SLC39A11: variants seen among roughly 807,000 people sequenced by gnomAD.
The protein encoded by SLC39A11 is solute carrier family 39 member 11.
A neutral mutation model predicts 36.1 loss-of-function variants in SLC39A11; 33 were observed. The ratio of observed to expected loss-of-function variants is 0.91; its 90% confidence interval spans 0.69 to 1.22. The LOEUF is 1.22. Among genes scored for constraint, SLC39A11 ranks in the 50% most tolerant of loss-of-function variants. The probability of loss-of-function intolerance (pLI) is 0.00; values close to 1 mark genes in which losing one functional copy is unlikely to be tolerated. For missense variants in SLC39A11, 432 were observed against 430.3 expected (o/e 1.00, Z -0.03); for synonymous variants, 166 against 170.3 (o/e 0.97, Z 0.20).
intron 7 of SLC39A11, among the ~76,000 whole-genome samples, chr17:72,723,739 C>A (rs1286998147): frequency 6.6e-6 from 1 of 152,136 alleles, no homozygotes; most frequent in Admixed American, 6.5e-5. Context: ...CAAGATGGAA[C>A]CTTGTGGGCA....
At chr17:73,052,178 GA>G (rs11455533) in intron 3 of SLC39A11, among the ~76,000 whole-genome samples, 1 of 148,506 alleles carries the variant, frequency 6.7e-6, no homozygotes, top group East Asian at 2.0e-4. Flanking sequence ...ATCAACCCCA[GA>G]AAAAAAAAAG....
intron 6 of SLC39A11, among the ~76,000 whole-genome samples, chr17:72,766,772 T>C (rs778214668): frequency 2.6e-5 from 4 of 152,220 alleles, no homozygotes; most frequent in Non-Finnish European, 5.9e-5. Context: ...ACAAGCACTG[T>C]CATTTTTTAA....
chr17:72,872,399 C>G (rs910555263), intron 5 of SLC39A11, among the ~76,000 whole-genome samples: 2 of 152,204 alleles, frequency 1.3e-5, no homozygotes, highest in African/African-American at 4.8e-5. Context: ...TCAGATTCGA[C>G]AGACGGGTAC....
At chr17:72,949,033 G>A (rs2085643488) in intron 4 of SLC39A11, among the ~76,000 whole-genome samples, 1 of 151,614 alleles carries the variant, frequency 6.6e-6, no homozygotes, top group Non-Finnish European at 1.5e-5. Context: ...CAAAGCTAAG[G>A]GAAGGGAGGC....
Position 72,861,688 on chromosome 17 carries a change from T to TATA in SLC39A11, c.431-11885_431-11884insTAT, listed in dbSNP as rs1169877556. Among the ~76,000 whole-genome samples the TATA allele has an allele frequency of 4.2e-4, 37 of 88,780 alleles. 1 individual carries two copies. Among genetic ancestry groups the TATA allele is most frequent in the African/African-American group, 1.5e-3 (34 of 22,592 alleles). 58.2% of individuals were successfully genotyped at this position (88,780 alleles called of 152,430 possible). The stretch of plus-strand genomic sequence containing the variant: ...ATATATATATATATATATATATATA[T>TATA]AAAATATATATATTGGATATATATA... On this transcript the variant is annotated intron_variant, in intron 5 of 9. Transcript: ENST00000255559.
chr17:72,699,218 G>C (rs1284759208), intron 7 of SLC39A11, among the ~76,000 whole-genome samples: 4 of 152,174 alleles, frequency 2.6e-5, no homozygotes, highest in African/African-American at 9.6e-5. Flanking sequence ...GGAAGAAAAA[G>C]AATTGTCTTG....
intron 4 of SLC39A11, among the ~76,000 whole-genome samples, chr17:73,000,608 G>C (rs2089768376): frequency 6.6e-6 from 1 of 152,114 alleles, no homozygotes; most frequent in Non-Finnish European, 1.5e-5. Flanking sequence ...GAGCTACTTG[G>C]TATCCTTAAT....
chr17:73,071,782 T>C (rs1376445929), intron 3 of SLC39A11, among the ~76,000 whole-genome samples: 1 of 152,224 alleles, frequency 6.6e-6, no homozygotes, highest in Non-Finnish European at 1.5e-5. Flanking sequence ...GGAATGGCTG[T>C]GTTCCAACAA....
intron 3 of SLC39A11, among the ~76,000 whole-genome samples, chr17:73,066,989 T>C (rs771219170): frequency 6.6e-6 from 1 of 152,236 alleles, no homozygotes; most frequent in Non-Finnish European, 1.5e-5. Context: ...ACCAAGTTCA[T>C]GTATTACTTC....
chr17:73,036,674 C>T (rs2058926960), intron 3 of SLC39A11, among the ~76,000 whole-genome samples: 1 of 152,006 alleles, frequency 6.6e-6, no homozygotes, highest in Non-Finnish European at 1.5e-5. Context: ...CTCGAACTCC[C>T]GACCTTAGGT....
intron 7 of SLC39A11, among the ~76,000 whole-genome samples, chr17:72,699,719 G>A (rs2072515508): frequency 6.6e-6 from 1 of 152,248 alleles, no homozygotes; most frequent in Non-Finnish European, 1.5e-5. Flanking sequence ...CTGAGACAGA[G>A]CTGGCAAGGG....
chr17:72,976,323 A>G (rs145218754), intron 4 of SLC39A11, among the ~76,000 whole-genome samples: 119 of 152,258 alleles, frequency 7.8e-4, no homozygotes, highest in African/African-American at 2.6e-3. Flanking sequence ...ACACACTTTG[A>G]GAACTACCAC....
intron 6 of SLC39A11, among the ~76,000 whole-genome samples, chr17:72,779,565 G>A (rs143182277): frequency 1.8e-3 from 275 of 152,326 alleles, no homozygotes; most frequent in African/African-American, 6.1e-3. Context: ...CACAAGCGCT[G>A]TTCACCTGAC....
chr17:72,925,185 T>C (rs1298262574), intron 5 of SLC39A11, among the ~76,000 whole-genome samples: 1 of 152,090 alleles, frequency 6.6e-6, no homozygotes, highest in Non-Finnish European at 1.5e-5. Flanking sequence ...CCTATTCCTG[T>C]TCTTCCACGA....
chr17:72,995,871 CCTGA>C (rs2089475637), intron 4 of SLC39A11, among the ~76,000 whole-genome samples: 1 of 152,174 alleles, frequency 6.6e-6, no homozygotes, highest in Admixed American at 6.5e-5. Context: ...CCCAATGAAT[CCTGA>C]CTAATATACT....
At chr17:72,804,275 T>C (rs1313659050) in intron 6 of SLC39A11, among the ~76,000 whole-genome samples, 1 of 152,192 alleles carries the variant, frequency 6.6e-6, no homozygotes, top group Non-Finnish European at 1.5e-5. Context: ...CCTAGGAATC[T>C]GGAACCACTG....
chr17:73,062,475 A>AAAAAAAAAAAAAACAAAC (rs56021607), intron 3 of SLC39A11, among the ~76,000 whole-genome samples: 1 of 87,034 alleles, frequency 1.1e-5, no homozygotes, highest in East Asian at 4.0e-4. Context: ...AAAAAAAAAA[A>AAAAAAAAAAAAAACAAAC]AAACTTTAGG....
chr17:72,860,648 G>A (rs1364010556), intron 5 of SLC39A11, among the ~76,000 whole-genome samples: 4 of 152,142 alleles, frequency 2.6e-5, no homozygotes, highest in Admixed American at 6.5e-5. Context: ...CTTGGTGCAC[G>A]TTCCTCTTTT....
chr17:72,757,480 T>A (rs1050404694), intron 6 of SLC39A11, among the ~76,000 whole-genome samples: 2 of 152,150 alleles, frequency 1.3e-5, no homozygotes, highest in African/African-American at 2.4e-5. Context: ...TGAGTAAGGA[T>A]GGTCCAGGGG....
Sources: allele counts gnomAD v4.1 joint callset (sites outside exome capture counted in the v4.1 genomes callset), GRCh38; gene constraint gnomAD v4.1.1; transcripts MANE v1.5; gene names NCBI Gene and HGNC (gene_info 2026-07-23, HGNC 2026-07-21).